Variants in BLK observed in about 807,000 individuals in gnomAD.
BLK encodes the protein tyrosine-protein kinase Blk.
A neutral mutation model predicts 61.8 loss-of-function variants in BLK; 64 were observed. That is an observed-to-expected ratio of 1.03 (90% CI 0.85 to 1.27). The LOEUF is 1.27. BLK is among the 50% of genes most tolerant of loss of function. BLK has a pLI of 0.00. For missense variants in BLK, 853 were observed against 660.5 expected (o/e 1.29, Z -3.19); for synonymous variants, 351 against 272.0 (o/e 1.29, Z -2.86).
At chr8:11,553,805 G>A (rs1801039256) in intron 6 of BLK, among the ~76,000 whole-genome samples, 3 of 152,272 alleles carry the variant, frequency 2.0e-5, no homozygotes, top group Non-Finnish European at 4.4e-5. Flanking sequence ...ATTGGCTGAG[G>A]GAAACTGGAG....
chr8:11,518,236 C>T (rs1255171296), intron 1 of BLK, among the ~76,000 whole-genome samples: 2 of 152,200 alleles, frequency 1.3e-5, no homozygotes, highest in Non-Finnish European at 2.9e-5. Context: ...AGAATCAGAC[C>T]CCAGCTGAGA....
At chr8:11,548,235 C>A in intron 4 of BLK, 110 bp downstream of exon 4, 2 of 921,494 alleles carry the variant, frequency 2.2e-6, no homozygotes, top group Non-Finnish European at 1.7e-6. Context: ...TCTTCTCCAT[C>A]GCCCTGCCCC....
intron 6 of BLK, 43 bp from the exon 7 acceptor site, chr8:11,554,700 C>G (rs748463324): frequency 3.7e-6 from 6 of 1,606,890 alleles, no homozygotes; most frequent in African/African-American, 1.3e-5. Flanking sequence ...CGTTTTTTGT[C>G]TTTGTGCCTT....
intron 8 of BLK, chr8:11,556,413 G>A (rs1585413784): frequency 1.8e-6 from 1 of 557,842 alleles, no homozygotes. Flanking sequence ...CAGGCCCAGG[G>A]TGTGGGGCAA....
chr8:11,558,763 C>T (rs1382185108), intron 10 of BLK: 1 of 456,116 alleles, frequency 2.2e-6, no homozygotes, highest in Non-Finnish European at 4.4e-6. Flanking sequence ...AAAACTGGAA[C>T]TCTCAGCAGA....
chr8:11,498,054 G>A (rs971272150), intron 1 of BLK, among the ~76,000 whole-genome samples: 3 of 152,174 alleles, frequency 2.0e-5, no homozygotes, highest in African/African-American at 4.8e-5. Flanking sequence ...TCATCAAAGC[G>A]CTGGTGCTTT....
In BLK at chr8:11,498,770, T is replaced by C. The variant is rs185394289; in HGVS notation, c.-2+4179T>C. Among the ~76,000 whole-genome samples the C allele has an allele frequency of 1.7e-3, 261 of 152,372 alleles. 1 individual carries two copies. The highest frequency in any genetic ancestry group is 6.0e-3 in the Admixed American group (92 of 15,310). On this transcript the variant is annotated intron_variant, in intron 1 of 12. Coordinates refer to ENST00000259089, the MANE Select transcript of BLK (RefSeq NM_001715.3). Reference sequence around the variant, plus strand: ...GGTTAATTATATCCTCTCAGTCTTATTTCTTCATTCATTGATAATAGCACA... The same window carrying C: ...GGTTAATTATATCCTCTCAGTCTTACTTCTTCATTCATTGATAATAGCACA...
chr8:11,502,859 G>C (rs867764967), intron 1 of BLK, among the ~76,000 whole-genome samples: 1 of 152,166 alleles, frequency 6.6e-6, no homozygotes, highest in African/African-American at 2.4e-5. Flanking sequence ...CTTTGTGCTC[G>C]GTGGCAGGGG....
intron 1 of BLK, among the ~76,000 whole-genome samples, chr8:11,499,469 T>C (rs150017669): frequency 2.0e-5 from 3 of 152,250 alleles, no homozygotes; most frequent in Non-Finnish European, 4.4e-5. Context: ...GTGCTTGAGA[T>C]CCTGAGAGAA....
intron 1 of BLK, among the ~76,000 whole-genome samples, chr8:11,539,511 T>G (rs982908499): frequency 2.6e-5 from 4 of 152,356 alleles, no homozygotes; most frequent in African/African-American, 9.6e-5. Context: ...CTCTCACATG[T>G]GTCTATATAA....
chr8:11,547,165 G>T (rs535693451), intron 3 of BLK, among the ~76,000 whole-genome samples: 1 of 152,234 alleles, frequency 6.6e-6, no homozygotes, highest in South Asian at 2.1e-4. Context: ...AGGTAGATGC[G>T]ACCCCTTCCC....
At chr8:11,525,675 A>G (rs926333954) in intron 1 of BLK, among the ~76,000 whole-genome samples, 5 of 152,234 alleles carry the variant, frequency 3.3e-5, no homozygotes, top group Non-Finnish European at 7.3e-5. Context: ...CTGAAAACTC[A>G]AAAGTTCGCC....
chr8:11,499,412 C>T (rs1387983495), intron 1 of BLK, among the ~76,000 whole-genome samples: 1 of 152,156 alleles, frequency 6.6e-6, no homozygotes, highest in African/African-American at 2.4e-5. Flanking sequence ...GGGAACTTCC[C>T]CTGTATCCAG....
At position 11,564,297 on chromosome 8, in the gene BLK, G is replaced by C; in HGVS notation, c.*189G>C. On this transcript the variant is annotated 3_prime_UTR_variant, in exon 13 of 13. Transcript: ENST00000259089. ...CTTCACCGACTGCACCCCCGGGCGA[G>C]TTACGCGGCCTCTCTGTGCCGCTTC... is the stretch of plus-strand genomic sequence containing the variant. The C allele has an allele frequency of 1.3e-6, 1 of 748,456 alleles. No individual in the cohort carries two copies. The highest frequency in any genetic ancestry group is 1.5e-5 in the South Asian group (1 of 67,564). 46.4% of individuals were successfully genotyped at this position (748,456 alleles called of 1,614,324 possible).
intron 1 of BLK, among the ~76,000 whole-genome samples, chr8:11,541,032 G>C (rs1188723245): frequency 1.3e-5 from 2 of 152,202 alleles, no homozygotes; most frequent in Non-Finnish European, 2.9e-5. Context: ...TTGGGAGGCT[G>C]AGATGGGCAG....
intron 10 of BLK, chr8:11,559,860 C>T: frequency 4.4e-6 from 2 of 456,118 alleles, no homozygotes; most frequent in Admixed American, 4.7e-5. Context: ...CAAGAAACTG[C>T]CAGAGAGCCC....
At chr8:11,498,793 A>G (rs74369035) in intron 1 of BLK, among the ~76,000 whole-genome samples, 2 of 152,218 alleles carry the variant, frequency 1.3e-5, no homozygotes, top group Non-Finnish European at 2.9e-5. Context: ...TGATAATAGC[A>G]CATCACAGGA....
At chr8:11,515,483 T>A (rs1397862476) in intron 1 of BLK, among the ~76,000 whole-genome samples, 9 of 151,926 alleles carry the variant, frequency 5.9e-5, no homozygotes, top group Admixed American at 1.3e-4. Context: ...CGCACAGGGG[T>A]CCTCCCTGCT....
chr8:11,537,663 C>T (rs1425986139), intron 1 of BLK, among the ~76,000 whole-genome samples: 1 of 152,152 alleles, frequency 6.6e-6, no homozygotes, highest in Non-Finnish European at 1.5e-5. Flanking sequence ...CTTACCAAGC[C>T]ACCTCGCCTC....
Sources: allele counts gnomAD v4.1 joint callset (sites outside exome capture counted in the v4.1 genomes callset), GRCh38; gene constraint gnomAD v4.1.1; transcripts MANE v1.5; gene names NCBI Gene and HGNC (gene_info 2026-07-23, HGNC 2026-07-21).